Variants in SRBD1 observed in about 807,000 individuals in gnomAD.
SRBD1 encodes the protein S1 RNA binding domain 1.
In SRBD1, 88 loss-of-function variants were observed where a neutral mutation model predicts 115.3. The ratio of observed to expected loss-of-function variants is 0.76; its 90% CI spans 0.64 to 0.91. The LOEUF (loss-of-function observed/expected upper bound fraction) is 0.91, where lower values mean the gene tolerates loss of function less well. Among genes scored for constraint, SRBD1 ranks in the 40% least tolerant of loss-of-function variants. The pLI is 0.00. For missense variants in SRBD1, 1,385 were observed against 1,177.4 expected, an observed-to-expected ratio of 1.18 and a Z score of -2.58; for synonymous variants, 509 against 407.7, an observed-to-expected ratio of 1.25 and a Z score of -2.99.
chr2:45,597,281 G>A lies in SRBD1; in HGVS notation c.648+2168C>T, dbSNP rs148370306. ...TAAAAATACAAAAAATTAGCCAGGC[G>A]TGGTGGCACATGCCTGTGGTTCCAG... On this transcript the variant is annotated intron_variant, in intron 4 of 20. Coordinates refer to ENST00000263736, the MANE Select transcript of SRBD1 (RefSeq NM_018079.5). 4.5e-3 allele frequency among the ~76,000 whole-genome samples: 680 copies of A among 152,144 alleles called. 20 individuals are homozygous for A. Among genetic ancestry groups the A allele is most frequent in the Admixed American group, 0.041 (631 of 15,274 alleles).
chr2:45,409,166 G>T (rs1021785393), intron 19 of SRBD1, among the ~76,000 whole-genome samples: 1 of 152,084 alleles, frequency 6.6e-6, no homozygotes, highest in Non-Finnish European at 1.5e-5. Flanking sequence ...AGGCTGCAGT[G>T]AGCCAAGATC....
chr2:45,577,204 C>T (rs1395899546), intron 7 of SRBD1, among the ~76,000 whole-genome samples: 1 of 152,202 alleles, frequency 6.6e-6, no homozygotes. Flanking sequence ...AAATTACATT[C>T]CCCTTCTCAG....
In SRBD1 at chr2:45,442,379, T is replaced by G. The variant is rs190861662; in HGVS notation, c.2050-22485A>C. Reference sequence around the variant, plus strand: ...AAAATGTTGCCTTTAGACATAATCTTTTCTTTAATGTTCATTGTAGTAGGA... The same window carrying G: ...AAAATGTTGCCTTTAGACATAATCTGTTCTTTAATGTTCATTGTAGTAGGA... On this transcript the variant is annotated intron_variant, in intron 16 of 20. Transcript: ENST00000263736. Among the ~76,000 whole-genome samples, 317 of 152,338 alleles carry G rather than the reference T, an allele frequency of 2.1e-3. 2 individuals carry two copies. The highest frequency in any genetic ancestry group is 2.4e-3 in the Non-Finnish European group (163 of 68,026).
At chr2:45,573,396 G>C (rs1483934014) in intron 8 of SRBD1, 54 bp from the exon 9 acceptor site, 3 of 1,551,070 alleles carry the variant, frequency 1.9e-6, no homozygotes, top group Non-Finnish European at 2.6e-6. Flanking sequence ...TTGTGCTTTA[G>C]TAAAGAATAT....
chr2:45,408,843 T>C (rs1262057733), intron 19 of SRBD1, among the ~76,000 whole-genome samples: 2 of 152,206 alleles, frequency 1.3e-5, no homozygotes, highest in East Asian at 3.9e-4. Flanking sequence ...AAAAATGTGT[T>C]TACAATAGAA....
chr2:45,402,104 G>A (rs879800941), intron 19 of SRBD1, among the ~76,000 whole-genome samples: 3 of 152,218 alleles, frequency 2.0e-5, no homozygotes, highest in Admixed American at 2.0e-4. Flanking sequence ...CTCCACGGCA[G>A]GGAGCTAGGC....
At chr2:45,568,205 T>C (rs763628698) in intron 9 of SRBD1, among the ~76,000 whole-genome samples, 1 of 152,110 alleles carries the variant, frequency 6.6e-6, no homozygotes, top group Non-Finnish European at 1.5e-5. Context: ...AAGATCACAC[T>C]AAGGACCAAT....
chr2:45,508,174 C>A (rs926015057), intron 14 of SRBD1, among the ~76,000 whole-genome samples: 1 of 151,850 alleles, frequency 6.6e-6, no homozygotes, highest in Non-Finnish European at 1.5e-5. Flanking sequence ...TAAAAAATAA[C>A]ACAAATTAGA....
intron 4 of SRBD1, among the ~76,000 whole-genome samples, chr2:45,588,706 C>A (rs991654068): frequency 2.0e-5 from 3 of 152,098 alleles, no homozygotes; most frequent in Non-Finnish European, 4.4e-5. Context: ...GAGAGATTAG[C>A]CCAATCAGCA....
chr2:45,523,960 C>A (rs762307009), intron 14 of SRBD1, among the ~76,000 whole-genome samples: 4 of 151,940 alleles, frequency 2.6e-5, no homozygotes, highest in African/African-American at 9.7e-5. Flanking sequence ...ACACCATCAC[C>A]AAGTGGGATT....
chr2:45,419,943 G>A, intron 16 of SRBD1, 49 bp from the exon 17 acceptor site: 1 of 1,517,026 alleles, frequency 6.6e-7, no homozygotes, highest in Non-Finnish European at 9.1e-7. Context: ...TGTAGTTCTT[G>A]GACTATTCCA....
chr2:45,454,456 A>C (rs1170125822), intron 16 of SRBD1, among the ~76,000 whole-genome samples: 1 of 151,846 alleles, frequency 6.6e-6, no homozygotes, highest in Non-Finnish European at 1.5e-5. Context: ...ATAGTTGTAC[A>C]TTTCTTTAGG....
chr2:45,478,896 T>C lies in SRBD1; in HGVS notation c.1967-1821A>G, dbSNP rs148042123. On this transcript the variant is annotated intron_variant, in intron 15 of 20. Coordinates refer to ENST00000263736, the MANE Select transcript of SRBD1 (RefSeq NM_018079.5). ...ACCACATTTCTTCCAAGTTGGAAAT[T>C]TGCGGCAACCCTGAGTTGGGCAAGT... 3.3e-3 allele frequency among the ~76,000 whole-genome samples: 496 copies of C among 152,298 alleles called. 2 individuals are homozygous for C. Among genetic ancestry groups the C allele is most frequent in the Non-Finnish European group, 5.2e-3 (354 of 68,020 alleles).
At chr2:45,565,987 A>C (rs566238229) in intron 9 of SRBD1, among the ~76,000 whole-genome samples, 1 of 152,338 alleles carries the variant, frequency 6.6e-6, no homozygotes, top group East Asian at 1.9e-4. Flanking sequence ...TTATATACAA[A>C]TGACTGATAA....
intron 17 of SRBD1, among the ~76,000 whole-genome samples, 183 bp from the exon 18 acceptor site, chr2:45,418,724 G>A (rs1667910879): frequency 1.3e-5 from 2 of 148,900 alleles, no homozygotes; most frequent in African/African-American, 2.5e-5. Flanking sequence ...TTGTGCAAGA[G>A]GAAAGAAGGA....
chr2:45,572,988 A>T (rs1414502732), intron 9 of SRBD1, among the ~76,000 whole-genome samples: 1 of 152,182 alleles, frequency 6.6e-6, no homozygotes, highest in Non-Finnish European at 1.5e-5. Flanking sequence ...TTATATTGTC[A>T]GCTCTGCTAA....
chr2:45,574,225 G>A (rs1305469398), intron 8 of SRBD1, among the ~76,000 whole-genome samples: 2 of 152,028 alleles, frequency 1.3e-5, no homozygotes, highest in Admixed American at 1.3e-4. Context: ...CTCAAGTAAA[G>A]CCAATCACTG....
At chr2:45,407,574 A>G (rs1026449631) in intron 19 of SRBD1, among the ~76,000 whole-genome samples, 1 of 152,176 alleles carries the variant, frequency 6.6e-6, no homozygotes, top group Non-Finnish European at 1.5e-5. Flanking sequence ...AGCCCCTATC[A>G]CAGTGTTCTG....
intron 2 of SRBD1, among the ~76,000 whole-genome samples, chr2:45,604,757 C>G (rs1297344283): frequency 6.6e-6 from 1 of 152,176 alleles, no homozygotes; most frequent in Non-Finnish European, 1.5e-5. Context: ...CCCCCGACTG[C>G]AACCACTCAC....
Sources: gnomAD v4.1 joint callset for allele counts (sites outside exome capture counted in the v4.1 genomes callset) on GRCh38, gnomAD v4.1.1 for gene constraint, MANE v1.5 for transcripts, NCBI Gene and HGNC (gene_info 2026-07-23, HGNC 2026-07-21) for gene names.